Variants in WWOX observed in about 807,000 individuals in gnomAD.
WWOX encodes the protein WW domain containing oxidoreductase, also known as WW domain-containing oxidoreductase.
A neutral mutation model predicts 46.2 loss-of-function variants in WWOX; 69 were observed. That is an observed-to-expected ratio of 1.49 (90% confidence interval 1.23 to 1.82). The LOEUF is 1.82. WWOX is among the 40% of genes most tolerant of loss of function. WWOX has a pLI of 0.00. For missense variants in WWOX, 919 were observed against 542.6 expected, an observed-to-expected ratio of 1.69 and a Z score of -6.89; for synonymous variants, 359 against 202.6, an observed-to-expected ratio of 1.77 and a Z score of -6.56.
chr16:78,821,972 G>C (rs1391803935), intron 8 of WWOX, among the ~76,000 whole-genome samples: 1 of 152,136 alleles, frequency 6.6e-6, no homozygotes, highest in Non-Finnish European at 1.5e-5. Flanking sequence ...GACCTACCAG[G>C]CTCAAGCGAT....
chr16:78,886,061 A>G (rs1220253612), intron 8 of WWOX, among the ~76,000 whole-genome samples: 1 of 151,314 alleles, frequency 6.6e-6, no homozygotes, highest in Non-Finnish European at 1.5e-5. Context: ...AGTAGCTGGG[A>G]TTACAGGTGC....
At chr16:78,619,361 C>CAAAA (rs375477648) in intron 8 of WWOX, among the ~76,000 whole-genome samples, 11 of 70,710 alleles carry the variant, frequency 1.6e-4, no homozygotes, top group African/African-American at 3.0e-4. Context: ...GACGCCATCT[C>CAAAA]AAAAAAAAAA....
chr16:78,386,266 A>G (rs2082058134), intron 5 of WWOX, among the ~76,000 whole-genome samples: 1 of 152,174 alleles, frequency 6.6e-6, no homozygotes, highest in Non-Finnish European at 1.5e-5. Context: ...TACCATTATT[A>G]TTCCTATCAC....
chr16:79,025,020 G>A (rs1392230806), intron 8 of WWOX, among the ~76,000 whole-genome samples: 1 of 152,204 alleles, frequency 6.6e-6, no homozygotes, highest in Non-Finnish European at 1.5e-5. Flanking sequence ...AGCACCGCCA[G>A]GCCCAGTTGG....
intron 5 of WWOX, chr16:78,238,127 G>A (rs764564359): frequency 2.0e-5 from 3 of 152,120 alleles, no homozygotes; most frequent in Admixed American, 6.6e-5. Flanking sequence ...AAAGTGCCTC[G>A]GTTCCAGCTT....
Position 78,163,529 on chromosome 16 carries a change from C to G in WWOX, c.410-654C>G, listed in dbSNP as rs757566742. Among the ~76,000 whole-genome samples, 52 of 152,250 alleles carry G rather than the reference C, an allele frequency of 3.4e-4. 1 individual carries two copies. Among genetic ancestry groups the G allele is most frequent in the Admixed American group, 1.0e-3 (16 of 15,272 alleles). On this transcript the variant is annotated intron_variant, in intron 4 of 8. Coordinates refer to ENST00000566780, the MANE Select transcript of WWOX (RefSeq NM_016373.4). ...CCACTATGTTTGGAAATGAAATATG[C>G]CTTGAAGGAAAAAAGCTGCCAAATG...
chr16:78,906,480 C>G (rs1266008136), intron 8 of WWOX, among the ~76,000 whole-genome samples: 1 of 152,076 alleles, frequency 6.6e-6, no homozygotes, highest in African/African-American at 2.4e-5. Flanking sequence ...AGTTTTCTGT[C>G]TTTGTCCCCA....
chr16:78,400,599 T>C (rs1466050149), intron 6 of WWOX, among the ~76,000 whole-genome samples: 2 of 151,994 alleles, frequency 1.3e-5, no homozygotes, highest in Admixed American at 6.6e-5. Context: ...TCCAGCTTGG[T>C]TTTTCTCCTC....
intron 8 of WWOX, among the ~76,000 whole-genome samples, chr16:79,201,840 G>A (rs374999635): frequency 6.6e-6 from 1 of 152,032 alleles, no homozygotes; most frequent in Admixed American, 6.5e-5. Flanking sequence ...AAGGCAGCCT[G>A]TTTTATAAGC....
At chr16:79,033,724 C>A (rs1288633984) in intron 8 of WWOX, among the ~76,000 whole-genome samples, 1 of 152,206 alleles carries the variant, frequency 6.6e-6, no homozygotes, top group African/African-American at 2.4e-5. Flanking sequence ...CATCACCTCC[C>A]CAAGCCCAGC....
chr16:78,238,503 T>C (rs1224350185), intron 5 of WWOX, among the ~76,000 whole-genome samples: 3 of 152,152 alleles, frequency 2.0e-5, no homozygotes, highest in Non-Finnish European at 2.9e-5. Flanking sequence ...TTCTCTACCA[T>C]GTTGGCCAGG....
chr16:78,919,130 C>A (rs775009648), intron 8 of WWOX, among the ~76,000 whole-genome samples: 1 of 152,108 alleles, frequency 6.6e-6, no homozygotes, highest in Non-Finnish European at 1.5e-5. Context: ...AAACAACACA[C>A]GGAACAATGA....
At chr16:78,871,115 T>C (rs564734501) in intron 8 of WWOX, among the ~76,000 whole-genome samples, 1 of 151,788 alleles carries the variant, frequency 6.6e-6, no homozygotes, top group African/African-American at 2.4e-5. Context: ...GAATATCAAA[T>C]GAATGAACAA....
At chr16:78,715,164 G>C (rs1406792656) in intron 8 of WWOX, among the ~76,000 whole-genome samples, 1 of 152,170 alleles carries the variant, frequency 6.6e-6, no homozygotes, top group African/African-American at 2.4e-5. Context: ...TGGAAACACA[G>C]AGATCAGTTA....
intron 8 of WWOX, among the ~76,000 whole-genome samples, chr16:78,697,567 C>G (rs759223437): frequency 5.3e-5 from 8 of 152,084 alleles, no homozygotes; most frequent in Non-Finnish European, 1.0e-4. Flanking sequence ...AAAAAGCTAA[C>G]AATCCCATCA....
At chr16:78,596,830 T>G (rs1207712530) in intron 8 of WWOX, among the ~76,000 whole-genome samples, 1 of 152,170 alleles carries the variant, frequency 6.6e-6, no homozygotes, top group Non-Finnish European at 1.5e-5. Context: ...CTTTCTACTG[T>G]GATCTCAGCA....
intron 5 of WWOX, among the ~76,000 whole-genome samples, chr16:78,366,089 G>C (rs541795982): frequency 2.8e-4 from 43 of 152,224 alleles, no homozygotes; most frequent in African/African-American, 9.4e-4. Context: ...CACCCTAAAT[G>C]CCCAGGTATT....
intron 5 of WWOX, among the ~76,000 whole-genome samples, chr16:78,275,628 C>T (rs2079562971): frequency 6.6e-6 from 1 of 152,180 alleles, no homozygotes; most frequent in Non-Finnish European, 1.5e-5. Flanking sequence ...GGCAGGCTCC[C>T]AGTAATCCCA....
chr16:79,097,636 C>A (rs1009716392), intron 8 of WWOX, among the ~76,000 whole-genome samples: 2 of 152,102 alleles, frequency 1.3e-5, no homozygotes, highest in South Asian at 2.1e-4. Context: ...ACATCGTACT[C>A]CAAAGGGGGT....
Sources: allele counts gnomAD v4.1 joint callset (sites outside exome capture counted in the v4.1 genomes callset), GRCh38; gene constraint gnomAD v4.1.1; transcripts MANE v1.5; gene names NCBI Gene and HGNC (gene_info 2026-07-23, HGNC 2026-07-21).